Variants in NALF1 observed in about 807,000 individuals in gnomAD.
NALF1 encodes NALCN channel auxiliary factor 1.
NALF1 carries 3 observed loss-of-function variants against 48.4 expected under a neutral mutation model. The ratio of observed to expected loss-of-function variants is 0.06; its 90% CI spans 0.03 to 0.16. The LOEUF (loss-of-function observed/expected upper bound fraction) is 0.16. Ranked by LOEUF, NALF1 falls within the 10% of genes least tolerant of loss-of-function variation. The pLI is 1.00. For synonymous variants in NALF1, 262 were observed against 245.7 expected, an observed-to-expected ratio of 1.07 and a Z score of -0.62; for missense variants, 526 against 571.5, an observed-to-expected ratio of 0.92 and a Z score of 0.81.
intron 1 of NALF1, among the ~76,000 whole-genome samples, chr13:107,534,713 T>C (rs1476388915): frequency 6.6e-6 from 1 of 152,190 alleles, no homozygotes; most frequent in Non-Finnish European, 1.5e-5. Context: ...ACAGTGCTGA[T>C]GCTGACTGTA....
chr13:107,622,939 C>T (rs927644154), intron 1 of NALF1, among the ~76,000 whole-genome samples: 1 of 152,134 alleles, frequency 6.6e-6, no homozygotes, highest in African/African-American at 2.4e-5. Flanking sequence ...ACATTTACAG[C>T]ACCATATAAA....
At chr13:107,270,237 C>T (rs1881133884) in intron 1 of NALF1, among the ~76,000 whole-genome samples, 2 of 151,956 alleles carry the variant, frequency 1.3e-5, no homozygotes, top group Admixed American at 6.6e-5. Context: ...TTTGATCATT[C>T]CTTGAACTGA....
At chr13:107,612,545 C>T (rs570337664) in intron 1 of NALF1, among the ~76,000 whole-genome samples, 3 of 152,154 alleles carry the variant, frequency 2.0e-5, no homozygotes, top group African/African-American at 7.2e-5. Flanking sequence ...GAACAGCTGG[C>T]CCTCCCTGCT....
At chr13:107,341,481 AACTT>A (rs1429261260) in intron 1 of NALF1, among the ~76,000 whole-genome samples, 8 of 152,100 alleles carry the variant, frequency 5.3e-5, no homozygotes, top group African/African-American at 9.7e-5. Context: ...GACCTTGGGC[AACTT>A]ACTTAACTTC....
chr13:107,403,342 C>T (rs1477523778), intron 1 of NALF1, among the ~76,000 whole-genome samples: 1 of 151,458 alleles, frequency 6.6e-6, no homozygotes, highest in African/African-American at 2.4e-5. Context: ...GTATGCAGCT[C>T]TCCTGTGGAA....
intron 1 of NALF1, among the ~76,000 whole-genome samples, chr13:107,415,071 C>G (rs941008733): frequency 1.3e-5 from 2 of 151,996 alleles, no homozygotes; most frequent in Non-Finnish European, 2.9e-5. Context: ...AAAATAATAG[C>G]CTAGCAACAT....
chr13:107,453,156 C>A (rs903015194), intron 1 of NALF1, among the ~76,000 whole-genome samples: 1 of 152,166 alleles, frequency 6.6e-6, no homozygotes, highest in African/African-American at 2.4e-5. Context: ...CTGGGGTATG[C>A]AGCATGGTGG....
chr13:107,458,773 T>C (rs762274711), intron 1 of NALF1, among the ~76,000 whole-genome samples: 7 of 152,206 alleles, frequency 4.6e-5, no homozygotes, highest in African/African-American at 7.2e-5. Context: ...GGAGTAATTT[T>C]TGGCGTATGA....
chr13:107,289,161 C>T (rs1336442649), intron 1 of NALF1, among the ~76,000 whole-genome samples: 1 of 152,142 alleles, frequency 6.6e-6, no homozygotes, highest in Non-Finnish European at 1.5e-5. Flanking sequence ...ATTCTCTGCC[C>T]TTAGCAAGGT....
At chr13:107,497,427 T>C (rs1242450272) in intron 1 of NALF1, among the ~76,000 whole-genome samples, 2 of 152,220 alleles carry the variant, frequency 1.3e-5, no homozygotes, top group African/African-American at 4.8e-5. Context: ...TGATTCATTA[T>C]GTAATATTGC....
intron 1 of NALF1, among the ~76,000 whole-genome samples, chr13:107,359,994 G>A (rs1356915376): frequency 6.6e-6 from 1 of 152,094 alleles, no homozygotes; most frequent in African/African-American, 2.4e-5. Context: ...TTCTAAAGTT[G>A]ATGACAACAA....
chr13:107,617,581 G>A (rs1048742033), intron 1 of NALF1, among the ~76,000 whole-genome samples: 1 of 152,174 alleles, frequency 6.6e-6, no homozygotes, highest in African/African-American at 2.4e-5. Context: ...AAGGACCCAT[G>A]AGAAAGAACT....
intron 1 of NALF1, among the ~76,000 whole-genome samples, chr13:107,340,811 T>G (rs1357345021): frequency 6.6e-6 from 1 of 152,204 alleles, no homozygotes; most frequent in Non-Finnish European, 1.5e-5. Context: ...CAATGTTATC[T>G]TAAATAAGCT....
intron 2 of NALF1, among the ~76,000 whole-genome samples, chr13:107,195,057 T>G (rs1879362134): frequency 6.6e-6 from 1 of 152,014 alleles, no homozygotes; most frequent in Non-Finnish European, 1.5e-5. Context: ...ATTCAAAAAG[T>G]CAAAAAACAA....
At chr13:107,753,396 G>A (rs1876994576) in intron 1 of NALF1, among the ~76,000 whole-genome samples, 1 of 151,808 alleles carries the variant, frequency 6.6e-6, no homozygotes, top group Non-Finnish European at 1.5e-5. Flanking sequence ...TAAATCACTT[G>A]TGAAATTTCT....
intron 1 of NALF1, among the ~76,000 whole-genome samples, chr13:107,540,825 A>G (rs1003612865): frequency 1.4e-4 from 22 of 152,174 alleles, no homozygotes; most frequent in African/African-American, 5.1e-4. Flanking sequence ...ATTCCTAAAC[A>G]AGAAACTTTA....
At chr13:107,346,478 G>C (rs1174135066) in intron 1 of NALF1, among the ~76,000 whole-genome samples, 2 of 152,168 alleles carry the variant, frequency 1.3e-5, no homozygotes, top group Non-Finnish European at 2.9e-5. Flanking sequence ...CTACAACATG[G>C]ATAAACCTTG....
chr13:107,310,629 G>A (rs1386302486), intron 1 of NALF1, among the ~76,000 whole-genome samples: 1 of 151,672 alleles, frequency 6.6e-6, no homozygotes, highest in African/African-American at 2.4e-5. Flanking sequence ...ATTGAGTTAT[G>A]GACACATATC....
chr13:107,711,111 T>G (rs574977579), intron 1 of NALF1, among the ~76,000 whole-genome samples: 88 of 152,244 alleles, frequency 5.8e-4, no homozygotes, highest in African/African-American at 2.1e-3. Flanking sequence ...GCTCAGTAAC[T>G]GACCACTCAC....
Sources: gnomAD v4.1 joint callset for allele counts (sites outside exome capture counted in the v4.1 genomes callset) on GRCh38, gnomAD v4.1.1 for gene constraint, MANE v1.5 for transcripts, NCBI Gene and HGNC (gene_info 2026-07-23, HGNC 2026-07-21) for gene names.